Variants in SKAP2 observed in about 807,000 individuals in gnomAD.
SKAP2 encodes the protein src kinase associated phosphoprotein 2.
Under a neutral mutation model 54.9 loss-of-function variants are expected in SKAP2, and 28 were observed. The ratio of observed to expected loss-of-function variants is 0.51; its 90% confidence interval spans 0.38 to 0.70. The LOEUF (loss-of-function observed/expected upper bound fraction) is 0.70, where lower values mean the gene tolerates loss of function less well. Among genes scored for constraint, SKAP2 ranks in the 30% least tolerant of loss-of-function variants. SKAP2 has a pLI of 0.00. For missense variants in SKAP2, 356 were observed against 424.1 expected, an observed-to-expected ratio of 0.84 and a Z score of 1.41; for synonymous variants, 137 against 134.3, an observed-to-expected ratio of 1.02 and a Z score of -0.14.
intron 4 of SKAP2, among the ~76,000 whole-genome samples, chr7:26,826,863 G>C (rs537682622): frequency 6.6e-6 from 1 of 152,124 alleles, no homozygotes; most frequent in South Asian, 2.1e-4. Context: ...ATTCCATCTA[G>C]CACTTTGCCT....
At chr7:26,852,866 A>T (rs1481782386) in intron 3 of SKAP2, among the ~76,000 whole-genome samples, 4 of 152,174 alleles carry the variant, frequency 2.6e-5, no homozygotes, top group African/African-American at 9.7e-5. Flanking sequence ...GCAGAATCTG[A>T]TATCTAATAT....
intron 9 of SKAP2, among the ~76,000 whole-genome samples, chr7:26,714,823 T>C (rs949997453): frequency 6.6e-6 from 1 of 152,242 alleles, no homozygotes; most frequent in African/African-American, 2.4e-5. Flanking sequence ...CTACAAACTT[T>C]ATCATATTCT....
chr7:26,745,943 T>C (rs1782551685), intron 4 of SKAP2, among the ~76,000 whole-genome samples: 1 of 152,198 alleles, frequency 6.6e-6, no homozygotes, highest in Admixed American at 6.5e-5. Flanking sequence ...ACCTATCCAC[T>C]AGTGGTTATT....
At chr7:26,755,860 G>A (rs1230556594) in intron 4 of SKAP2, among the ~76,000 whole-genome samples, 1 of 152,258 alleles carries the variant, frequency 6.6e-6, no homozygotes, top group South Asian at 2.1e-4. Flanking sequence ...GTTTTGGGGA[G>A]TATAGCTTAA....
rs565013363 is a variant in SKAP2 at position 26,835,391 on chromosome 7, A to C, written c.307+8639T>G. Among the ~76,000 whole-genome samples the C allele has an allele frequency of 1.4e-4, 22 of 152,362 alleles. 1 individual carries two copies. In the South Asian group the frequency reaches 4.3e-3, roughly 30 times the overall value. The stretch of plus-strand genomic sequence containing the variant: ...GAAATAAGGGTATTCAAACAGGAAG[A>C]GAGGGAGACAAATTGTCTGTTTGCA... On this transcript the variant is annotated intron_variant, in intron 4 of 12. Transcript: ENST00000345317.
chr7:26,840,270 A>G (rs1305070143), intron 4 of SKAP2, among the ~76,000 whole-genome samples: 1 of 152,062 alleles, frequency 6.6e-6, no homozygotes, highest in Non-Finnish European at 1.5e-5. Flanking sequence ...ATGGTCTAGG[A>G]CTGAATCAGA....
intron 4 of SKAP2, among the ~76,000 whole-genome samples, chr7:26,759,342 C>T (rs1663146728): frequency 6.6e-6 from 1 of 152,178 alleles, no homozygotes; most frequent in Non-Finnish European, 1.5e-5. Flanking sequence ...TATGTCATCT[C>T]CATTCTGAGT....
At chr7:26,750,883 A>T (rs1180181727) in intron 4 of SKAP2, among the ~76,000 whole-genome samples, 1 of 152,132 alleles carries the variant, frequency 6.6e-6, no homozygotes, top group African/African-American at 2.4e-5. Context: ...ACTATGCTTT[A>T]TCTTTACATA....
At chr7:26,802,102 A>G (rs985571936) in intron 4 of SKAP2, among the ~76,000 whole-genome samples, 1 of 152,160 alleles carries the variant, frequency 6.6e-6, no homozygotes, top group African/African-American at 2.4e-5. Context: ...ACTTCAAATC[A>G]TACTACAGAG....
At chr7:26,811,612 G>A (rs667841) in intron 4 of SKAP2, among the ~76,000 whole-genome samples, 78,220 of 151,948 alleles carry the variant, frequency 0.51, 20,862 homozygotes, top group East Asian at 0.86. Context: ...GGAGATGGAG[G>A]GAAGAAACTA....
At chr7:26,689,921 T>C (rs1416141986) in intron 10 of SKAP2, among the ~76,000 whole-genome samples, 4 of 152,214 alleles carry the variant, frequency 2.6e-5, no homozygotes, top group Non-Finnish European at 4.4e-5. Flanking sequence ...TACATTCTTA[T>C]AGGTTTGACA....
At chr7:26,694,454 C>T (rs1786853666) in intron 9 of SKAP2, among the ~76,000 whole-genome samples, 1 of 143,260 alleles carries the variant, frequency 7.0e-6, no homozygotes, top group African/African-American at 2.8e-5. Context: ...GAAGAATCAT[C>T]AGGAGATTTT....
chr7:26,767,053 C>T (rs566915329), intron 4 of SKAP2, among the ~76,000 whole-genome samples: 1 of 152,254 alleles, frequency 6.6e-6, no homozygotes, highest in Non-Finnish European at 1.5e-5. Flanking sequence ...GTACCAGCTC[C>T]TTTTTGTATC....
chr7:26,776,475 C>A (rs763332597), intron 4 of SKAP2, among the ~76,000 whole-genome samples: 1 of 152,020 alleles, frequency 6.6e-6, no homozygotes, highest in East Asian at 1.9e-4. Flanking sequence ...ACCTCCTTTC[C>A]TTCCTATAAT....
chr7:26,697,895 C>A (rs972098116), intron 9 of SKAP2, among the ~76,000 whole-genome samples: 1 of 152,096 alleles, frequency 6.6e-6, no homozygotes, highest in Non-Finnish European at 1.5e-5. Flanking sequence ...TTTCTTATCC[C>A]AAAAGTATAT....
intron 9 of SKAP2, among the ~76,000 whole-genome samples, chr7:26,712,129 G>C (rs569105786): frequency 5.9e-5 from 9 of 152,196 alleles, no homozygotes; most frequent in African/African-American, 2.2e-4. Flanking sequence ...GAAATGCTTG[G>C]GACTAGAAGC....
At chr7:26,828,343 G>A (rs1340725722) in intron 4 of SKAP2, among the ~76,000 whole-genome samples, 2 of 152,124 alleles carry the variant, frequency 1.3e-5, no homozygotes, top group Non-Finnish European at 2.9e-5. Flanking sequence ...TTTAACGAAC[G>A]ATGTTAAAGG....
At chr7:26,740,468 T>C (rs1356074805) in intron 4 of SKAP2, among the ~76,000 whole-genome samples, 1 of 152,324 alleles carries the variant, frequency 6.6e-6, no homozygotes, top group East Asian at 1.9e-4. Flanking sequence ...AGAAATGTTA[T>C]GGACATTCCA....
At chr7:26,690,769 G>A (rs181773719) in intron 9 of SKAP2, among the ~76,000 whole-genome samples, 73 of 152,246 alleles carry the variant, frequency 4.8e-4, no homozygotes, top group African/African-American at 1.5e-3. Flanking sequence ...AACACCCAGC[G>A]TTATACTGAT....
Sources: allele counts gnomAD v4.1 joint callset (sites outside exome capture counted in the v4.1 genomes callset), GRCh38; gene constraint gnomAD v4.1.1; transcripts MANE v1.5; gene names NCBI Gene and HGNC (gene_info 2026-07-23, HGNC 2026-07-21).